The following WDR35 variants were observed in gnomAD, a reference collection of about 807,000 sequenced individuals.
WDR35 encodes the protein WD repeat-containing protein 35.
Under a neutral mutation model 158.3 loss-of-function variants are expected in WDR35, and 118 were observed. The ratio of observed to expected loss-of-function variants is 0.75; its 90% CI spans 0.64 to 0.87. The LOEUF (loss-of-function observed/expected upper bound fraction) is 0.87. Ranked by LOEUF, WDR35 falls within the 40% of genes least tolerant of loss-of-function variation. The pLI, the probability that WDR35 is intolerant of heterozygous loss-of-function variation, is 0.00. For missense variants in WDR35, 1,263 were observed against 1,405.8 expected (o/e 0.90, Z 1.62); for synonymous variants, 448 against 476.1 (o/e 0.94, Z 0.77).
chr2:19,972,304 A>C (rs995006617), intron 8 of WDR35, among the ~76,000 whole-genome samples: 21 of 152,230 alleles, frequency 1.4e-4, no homozygotes, highest in African/African-American at 4.8e-4. Flanking sequence ...CAGCTAAACC[A>C]AACCCCACTT....
At chr2:19,929,070 G>A (rs563342824) in intron 25 of WDR35, among the ~76,000 whole-genome samples, 15 of 152,138 alleles carry the variant, frequency 9.9e-5, no homozygotes, top group Middle Eastern at 3.2e-3. Flanking sequence ...GCCTCCCAAA[G>A]TGCTGGGATT....
intron 5 of WDR35, among the ~76,000 whole-genome samples, chr2:19,978,346 T>C: frequency 6.6e-6 from 1 of 152,114 alleles, no homozygotes; most frequent in Non-Finnish European, 1.5e-5. Flanking sequence ...ATTTGAAAAA[T>C]ACAGGTTTTT....
At chr2:19,944,138 G>A (rs1670972802) in intron 16 of WDR35, among the ~76,000 whole-genome samples, 1 of 152,018 alleles carries the variant, frequency 6.6e-6, no homozygotes, top group Admixed American at 6.6e-5. Flanking sequence ...TAAACCAGCT[G>A]CGACCACAGT....
intron 11 of WDR35, among the ~76,000 whole-genome samples, chr2:19,954,804 T>C (rs1002816373): frequency 6.6e-6 from 1 of 152,216 alleles, no homozygotes; most frequent in Non-Finnish European, 1.5e-5. Flanking sequence ...CCTAGGTATG[T>C]ACCCAAGAAA....
chr2:19,980,334 C>T (rs1047991271), intron 4 of WDR35, among the ~76,000 whole-genome samples: 1 of 152,058 alleles, frequency 6.6e-6, no homozygotes, highest in African/African-American at 2.4e-5. Context: ...TAAATACACA[C>T]TCACACACAC....
intron 17 of WDR35, among the ~76,000 whole-genome samples, chr2:19,940,464 C>A (rs1425640540): frequency 6.6e-6 from 1 of 152,112 alleles, no homozygotes; most frequent in Non-Finnish European, 1.5e-5. Context: ...GAAATAAGTT[C>A]ATTAGTTTTA....
intron 25 of WDR35, among the ~76,000 whole-genome samples, chr2:19,929,706 A>C (rs1443297564): frequency 2.6e-5 from 4 of 152,236 alleles, no homozygotes; most frequent in Admixed American, 6.5e-5. Context: ...ATGAGGAAAG[A>C]ACTATAATAT....
Position 19,944,043 on chromosome 2 carries a change from A to C in WDR35, c.1845+1743T>G, listed in dbSNP as rs571999010. 3.3e-5 allele frequency among the ~76,000 whole-genome samples: 5 copies of C among 152,216 alleles called. No homozygotes were observed. In the South Asian group the frequency reaches 1.0e-3, roughly 32 times the overall value. ...GGAACATACTATTAAATATAATAGT[A>C]TGTAAAACAGATCTTCCCTGCTTTG... On this transcript the variant is annotated intron_variant, in intron 16 of 26. Transcript: ENST00000281405.
intron 26 of WDR35, 148 bp from the exon 27 acceptor site, chr2:19,913,856 CCTTT>C: frequency 7.1e-7 from 1 of 1,413,826 alleles, no homozygotes; most frequent in Non-Finnish European, 9.5e-7. Flanking sequence ...CAAGAAAAAA[CCTTT>C]CTTACAATGA....
At chr2:19,961,699 G>C (rs1371094389) in intron 10 of WDR35, among the ~76,000 whole-genome samples, 1 of 152,152 alleles carries the variant, frequency 6.6e-6, no homozygotes, top group Non-Finnish European at 1.5e-5. Context: ...CGACAGTTTT[G>C]GGGGATGCTC....
chr2:19,961,477 G>C (rs1244436051), intron 10 of WDR35, among the ~76,000 whole-genome samples: 1 of 152,192 alleles, frequency 6.6e-6, no homozygotes, highest in East Asian at 1.9e-4. Flanking sequence ...GTTGCACCCA[G>C]ATCAGCTGCA....
chr2:19,972,723 T>G (rs1312673202), intron 8 of WDR35, among the ~76,000 whole-genome samples: 1 of 151,850 alleles, frequency 6.6e-6, no homozygotes, highest in Admixed American at 6.6e-5. Flanking sequence ...TTAAAATATA[T>G]AAAAATAACA....
intron 10 of WDR35, among the ~76,000 whole-genome samples, chr2:19,961,689 C>G (rs543145400): frequency 1.3e-5 from 2 of 152,134 alleles, no homozygotes; most frequent in Non-Finnish European, 2.9e-5. Context: ...AAGGTCATGG[C>G]GACAGTTTTG....
chr2:19,922,903 G>A lies in WDR35; in HGVS notation c.3121+7493C>T, dbSNP rs765997464. On this transcript the variant is annotated intron_variant, in intron 25 of 26. Coordinates refer to ENST00000281405, the MANE Select transcript of WDR35 (RefSeq NM_020779.4). ...AATGAGGGCAAGGAACACCTGGCCC[G>A]CCCAGGGCAGAAAACTGCTTAAAGG... Among the ~76,000 whole-genome samples, 30 of 152,138 alleles carry A rather than the reference G, an allele frequency of 2.0e-4. 1 individual carries two copies. The highest frequency in any genetic ancestry group is 2.1e-4 in the Non-Finnish European group (14 of 68,034).
intron 10 of WDR35, among the ~76,000 whole-genome samples, chr2:19,963,780 T>A (rs13001254): frequency 1.3e-5 from 2 of 151,898 alleles, no homozygotes; most frequent in Admixed American, 1.3e-4. Context: ...AGTCTCACTC[T>A]GTCGCCCAGG....
chr2:19,985,610 G>A (rs58978345), intron 2 of WDR35, among the ~76,000 whole-genome samples: 28,390 of 146,146 alleles, frequency 0.19, 3,097 homozygotes, highest in East Asian at 0.39. Flanking sequence ...AGGGCCGGGC[G>A]CAGTGGCTCA....
chr2:19,984,038 T>TATATAC (rs1672476394), intron 2 of WDR35, among the ~76,000 whole-genome samples: 1 of 4,760 alleles, frequency 2.1e-4, no homozygotes, highest in African/African-American at 2.7e-4. Context: ...TATATATATA[T>TATATAC]ATACATATAT....
chr2:19,928,878 C>T (rs981791558), intron 25 of WDR35, among the ~76,000 whole-genome samples: 1 of 151,728 alleles, frequency 6.6e-6, no homozygotes, highest in Non-Finnish European at 1.5e-5. Context: ...GCGATCTCGG[C>T]TCACTGCAAG....
chr2:19,986,049 G>C (rs1319155997), intron 2 of WDR35, among the ~76,000 whole-genome samples: 1 of 152,144 alleles, frequency 6.6e-6, no homozygotes, highest in Non-Finnish European at 1.5e-5. Flanking sequence ...AGAGGGAGCA[G>C]GGGAGACAAA....
Sources: allele counts gnomAD v4.1 joint callset (sites outside exome capture counted in the v4.1 genomes callset), GRCh38; gene constraint gnomAD v4.1.1; transcripts MANE v1.5; gene names NCBI Gene and HGNC (gene_info 2026-07-23, HGNC 2026-07-21).